Variants in KREMEN1 observed in about 807,000 individuals in gnomAD.
KREMEN1 encodes the protein kringle containing transmembrane protein 1.
In KREMEN1, 30 loss-of-function variants were observed where a neutral mutation model predicts 46.5. The ratio of observed to expected loss-of-function variants is 0.65; its 90% CI spans 0.48 to 0.88. KREMEN1 has a LOEUF of 0.88. KREMEN1 is among the 40% of genes least tolerant of loss of function. KREMEN1 has a pLI of 0.00. For synonymous variants in KREMEN1, 214 were observed against 230.6 expected (o/e 0.93, Z 0.65); for missense variants, 533 against 596.9 (o/e 0.89, Z 1.11).
chr22:29,094,626 CT>C lies in KREMEN1; in HGVS notation c.260+221del, dbSNP rs134659. The stretch of plus-strand genomic sequence containing the variant: ...ACACACACACACACAATTTACCACT[CT>C]TTTTTTTTTTTTTTGAGACGGCGTC... On this transcript the variant is annotated intron_variant, in intron 2 of 8. Coordinates refer to ENST00000400335, the MANE Select transcript of KREMEN1 (RefSeq NM_001039570.3). 5.0e-3 allele frequency among the ~76,000 whole-genome samples: 560 copies of C among 112,928 alleles called. 6 individuals are homozygous for C. The highest frequency in any genetic ancestry group is 0.012 in the South Asian group (44 of 3,740). 74.1% of individuals were successfully genotyped at this position (112,928 alleles called of 152,430 possible). A position where few individuals can be genotyped will look rare whatever the true frequency, so the allele number is the denominator to read the frequency against.
In KREMEN1 at chr22:29,167,086, G is replaced by A. The variant is rs747423923; in HGVS notation, c.1459G>A (p.Gly487Arg). 5.2e-5 allele frequency: 81 copies of A among 1,551,626 alleles called. No individual in the cohort carries two copies. The African/African-American group carries it at 1.0e-3, about 19-fold the overall frequency. ...AGTGACATCACTCATCTGGTCTCAG[G>A]GGCAGCCCAGAAGTATCTGACTGTA... The change falls in exon 10 of 10, where the codon GGG becomes AGG. Residue 487 changes from glycine to arginine, a missense_variant. By Grantham distance (125) the Gly-to-Arg change is moderately radical. Transcript: ENST00000327813.
intron 3 of KREMEN1, among the ~76,000 whole-genome samples, chr22:29,099,816 G>A (rs1047319556): frequency 2.6e-5 from 4 of 151,886 alleles, no homozygotes; most frequent in African/African-American, 9.7e-5. Flanking sequence ...CCAAAGTGTT[G>A]GGATTACAGG....
At chr22:29,157,971 T>A (rs1427023160) in intron 9 of KREMEN1, among the ~76,000 whole-genome samples, 2 of 152,176 alleles carry the variant, frequency 1.3e-5, no homozygotes, top group African/African-American at 4.8e-5. Flanking sequence ...GGTCACATGG[T>A]CTCACCTGGA....
intron 3 of KREMEN1, among the ~76,000 whole-genome samples, chr22:29,105,163 A>C (rs2038035792): frequency 6.6e-6 from 1 of 152,174 alleles, no homozygotes; most frequent in Non-Finnish European, 1.5e-5. Flanking sequence ...CTGGCATGGT[A>C]GGGAGGCAGG....
At chr22:29,148,494 C>G (rs564903095), downstream of KREMEN1, among the ~76,000 whole-genome samples, 3 of 151,384 alleles carry the variant, frequency 2.0e-5, no homozygotes, top group South Asian at 6.3e-4. Context: ...TTGCTCATCA[C>G]CCAGGATGGA....
At chr22:29,099,248 C>T (rs2037935678) in intron 3 of KREMEN1, 1 of 281,010 alleles carries the variant, frequency 3.6e-6, no homozygotes, top group Admixed American at 4.8e-5. Context: ...GGCAACCGCT[C>T]AGAAGCAGCC....
At position 29,137,483 on chromosome 22, in the gene KREMEN1, T is replaced by TC; in HGVS notation, c.778dup (p.Leu260ProfsTer3). On this transcript the variant is annotated frameshift_variant, in exon 6 of 9. Coordinates refer to ENST00000400335, the MANE Select transcript of KREMEN1 (RefSeq NM_001039570.3). LOFTEE classifies it high-confidence loss of function. Reference sequence around the variant, plus strand: ...GGGGCCTCCCACATCCACTTCAGCTTCCCCCTATTTGACATCAGGGACTCG... The same window carrying TC: ...GGGGCCTCCCACATCCACTTCAGCTTCCCCCCTATTTGACATCAGGGACTCG... 2 of 1,607,980 alleles carry TC rather than the reference T, an allele frequency of 1.2e-6. No individual in the cohort carries two copies. The highest frequency in any genetic ancestry group is 2.7e-5 in the African/African-American group (2 of 74,900).
chr22:29,139,002 G>A (rs2038715950), intron 7 of KREMEN1, among the ~76,000 whole-genome samples: 1 of 152,168 alleles, frequency 6.6e-6, no homozygotes, highest in Non-Finnish European at 1.5e-5. Flanking sequence ...CCAAAAATTA[G>A]GCAAGCGTGC....
At chr22:29,086,914 T>TTTTCAA (rs2037738375) in intron 1 of KREMEN1, among the ~76,000 whole-genome samples, 1 of 151,998 alleles carries the variant, frequency 6.6e-6, no homozygotes, top group Non-Finnish European at 1.5e-5. Context: ...ACCCAGCAAA[T>TTTTCAA]TTTTAATTTT....
chr22:29,120,372 G>T, intron 3 of KREMEN1, among the ~76,000 whole-genome samples: 1 of 144,794 alleles, frequency 6.9e-6, no homozygotes, highest in Non-Finnish European at 1.5e-5. Flanking sequence ...AATGGAGGAG[G>T]GAGAGGTGAT....
chr22:29,125,502 A>G (rs1026031771), intron 5 of KREMEN1, 86 bp downstream of exon 5: 27 of 1,327,604 alleles, frequency 2.0e-5, no homozygotes, highest in Non-Finnish European at 2.8e-5. Flanking sequence ...CCTCCCTTCT[A>G]TGTATTCATT....
Position 29,125,365 on chromosome 22 carries a change from G to A in KREMEN1, c.580G>A (p.Gly194Arg), listed in dbSNP as rs774154713. 4.6e-5 allele frequency: 74 copies of A among 1,614,002 alleles called. No individual in the cohort carries two copies. The highest frequency in any genetic ancestry group is 6.7e-5 in the African/African-American group (5 of 74,898). The change falls in exon 5 of 9, where the codon GGG becomes AGG. Residue 194 changes from glycine to arginine, a missense_variant. Coordinates refer to ENST00000400335, the MANE Select transcript of KREMEN1 (RefSeq NM_001039570.3). Reference sequence around the variant, plus strand: ...TACCGAATGCAACAGCGTCTGCTTCGGGGATCACACCCAACCCTGTGGTGG... The same window carrying A: ...TACCGAATGCAACAGCGTCTGCTTCAGGGATCACACCCAACCCTGTGGTGG... ...ASTECNSVCF[G>R]DHTQPCGGDG...
rs543688392 is a variant in KREMEN1, at chr22:29,153,156, A to G, written c.1416+11056A>G. Among the ~76,000 whole-genome samples the G allele has an allele frequency of 2.0e-3, 306 of 152,320 alleles. 1 individual carries two copies. Among genetic ancestry groups the G allele is most frequent in the Non-Finnish European group, 3.9e-3 (262 of 68,036 alleles). On this transcript the variant is annotated intron_variant, in intron 9 of 9. Coordinates refer to the KREMEN1 transcript ENST00000327813. ...TTTCACATGCTAATGAATTATAATT[A>G]GCATATAATGACCAGTGAGGACAAC...
intron 9 of KREMEN1, among the ~76,000 whole-genome samples, chr22:29,163,061 C>T (rs546413673): frequency 6.6e-6 from 1 of 152,108 alleles, no homozygotes; most frequent in African/African-American, 2.4e-5. Flanking sequence ...CATCTCGAAT[C>T]GTAATCCCTG....
chr22:29,166,973 T>C (rs2039058086), intron 9 of KREMEN1: 1 of 1,206,992 alleles, frequency 8.3e-7, no homozygotes, highest in African/African-American at 1.5e-5. Flanking sequence ...CAAATGCTTC[T>C]AACTGTTCTC....
chr22:29,165,474 T>C (rs1212907055), intron 9 of KREMEN1, among the ~76,000 whole-genome samples: 1 of 151,826 alleles, frequency 6.6e-6, no homozygotes, highest in African/African-American at 2.4e-5. Context: ...AAGCCAGCCC[T>C]ATTCAGTATG....
intron 5 of KREMEN1, among the ~76,000 whole-genome samples, chr22:29,131,160 T>G (rs2038527515): frequency 6.6e-6 from 1 of 152,194 alleles, no homozygotes; most frequent in African/African-American, 2.4e-5. Context: ...CTGCTAATTC[T>G]CATGACCCCA....
chr22:29,159,512 A>G (rs2038992538), intron 9 of KREMEN1, among the ~76,000 whole-genome samples: 1 of 152,038 alleles, frequency 6.6e-6, no homozygotes, highest in South Asian at 2.1e-4. Flanking sequence ...CCAGCTACTC[A>G]GGAGGCTGAG....
At chr22:29,164,614 C>T (rs903609715) in intron 9 of KREMEN1, among the ~76,000 whole-genome samples, 3 of 151,570 alleles carry the variant, frequency 2.0e-5, no homozygotes, top group South Asian at 2.1e-4. Flanking sequence ...GGTGTGGTGG[C>T]GGGTGCCTGT....
Sources: gnomAD v4.1 joint callset for allele counts (sites outside exome capture counted in the v4.1 genomes callset) on GRCh38, gnomAD v4.1.1 for gene constraint, MANE v1.5 for transcripts, NCBI Gene and HGNC (gene_info 2026-07-23, HGNC 2026-07-21) for gene names.